The following ABCB4 variants were observed in gnomAD, a reference collection of about 807,000 sequenced individuals.
ABCB4 encodes the protein phosphatidylcholine translocator ABCB4.
A neutral mutation model predicts 145.7 loss-of-function variants in ABCB4; 76 were observed. The observed-to-expected ratio is 0.52, with a 90% CI of 0.43 to 0.63. ABCB4 has a LOEUF of 0.63. Among genes scored for constraint, ABCB4 ranks in the 30% least tolerant of loss-of-function variants. The pLI is 0.00. For synonymous variants in ABCB4, 517 were observed against 566.8 expected, an observed-to-expected ratio of 0.91 and a Z score of 1.25; for missense variants, 1,234 against 1,553.1, an observed-to-expected ratio of 0.79 and a Z score of 3.45.
chr7:87,442,868 C>T (rs1031650652), intron 12 of ABCB4, among the ~76,000 whole-genome samples: 1 of 152,144 alleles, frequency 6.6e-6, no homozygotes, highest in South Asian at 2.1e-4. Context: ...TCTTAAGAGA[C>T]CATCCCACTT....
the ABCB4 span, among the ~76,000 whole-genome samples, chr7:87,371,945 G>A: frequency 8.4e-5 from 12 of 142,116 alleles, no homozygotes; most frequent in Non-Finnish European, 1.5e-4. Flanking sequence ...AGTGAGCTGT[G>A]ATTACGCCAC....
chr7:87,367,674 C>T, the ABCB4 span, among the ~76,000 whole-genome samples: 5 of 152,182 alleles, frequency 3.3e-5, no homozygotes, highest in South Asian at 4.1e-4. Flanking sequence ...TGCTGAGTCC[C>T]GCTTCCTCTT....
At chr7:87,442,585 T>C (rs983093036) in intron 12 of ABCB4, among the ~76,000 whole-genome samples, 9 of 152,074 alleles carry the variant, frequency 5.9e-5, no homozygotes, top group Non-Finnish European at 8.8e-5. Flanking sequence ...TAAGAGAATG[T>C]CCTTTTTAGG....
chr7:87,422,855 T>C (rs540844392), intron 17 of ABCB4, among the ~76,000 whole-genome samples: 1 of 152,326 alleles, frequency 6.6e-6, no homozygotes, highest in Admixed American at 6.5e-5. Context: ...TGTTTGTCCA[T>C]TGCATGTCTT....
the ABCB4 span, chr7:87,382,151 C>A: frequency 6.2e-7 from 1 of 1,612,890 alleles, no homozygotes; most frequent in Non-Finnish European, 8.5e-7. Context: ...TAAATGACAT[C>A]AACCAAGCTA....
the ABCB4 span, among the ~76,000 whole-genome samples, chr7:87,381,403 A>G: frequency 2.0e-5 from 3 of 152,172 alleles, no homozygotes; most frequent in African/African-American, 7.2e-5. Context: ...GAATTATCAC[A>G]TTGGGACATT....
chr7:87,400,855 G>A (rs534423443), downstream of ABCB4, among the ~76,000 whole-genome samples: 13 of 152,264 alleles, frequency 8.5e-5, no homozygotes, highest in East Asian at 1.5e-3. Context: ...AATGAGTTGC[G>A]TATTTTGGAG....
At chr7:87,422,366 C>G (rs184618543) in intron 17 of ABCB4, 141 bp from the exon 18 acceptor site, 1 of 721,936 alleles carries the variant, frequency 1.4e-6, no homozygotes, top group South Asian at 1.6e-5. Flanking sequence ...GTAAAATATA[C>G]ATAACACAAA....
the ABCB4 span, chr7:87,375,658 G>A: frequency 6.2e-7 from 1 of 1,613,160 alleles, no homozygotes; most frequent in Non-Finnish European, 8.5e-7. Context: ...CACAAGAAGT[G>A]CCATAGTGAA....
the ABCB4 span, chr7:87,377,292 A>G: frequency 1.1e-4 from 117 of 1,079,228 alleles, 2 homozygotes; most frequent in East Asian, 3.0e-3. Flanking sequence ...TTAAGATGTA[A>G]ATTCTTACAA....
At chr7:87,426,679 A>G in intron 16 of ABCB4, 71 bp downstream of exon 16, 1 of 1,501,452 alleles carries the variant, frequency 6.7e-7, no homozygotes. Flanking sequence ...AATATTTGCA[A>G]GGCTAAGAAT....
chr7:87,386,812 T>A, the ABCB4 span, among the ~76,000 whole-genome samples: 1 of 152,076 alleles, frequency 6.6e-6, no homozygotes, highest in Admixed American at 6.6e-5. Flanking sequence ...ATCACTGAGT[T>A]TTGTTCATTG....
At chr7:87,393,881 A>C in the ABCB4 span, among the ~76,000 whole-genome samples, 7 of 152,296 alleles carry the variant, frequency 4.6e-5, no homozygotes, top group Non-Finnish European at 7.4e-5. Context: ...TAAATGAGAA[A>C]ATTTTTTGGA....
chr7:87,400,402 G>A (rs1228197940), downstream of ABCB4, among the ~76,000 whole-genome samples: 1 of 152,116 alleles, frequency 6.6e-6, no homozygotes, highest in African/African-American at 2.4e-5. Flanking sequence ...TGATAAGACT[G>A]GTTTATTGCT....
intron 5 of ABCB4, among the ~76,000 whole-genome samples, chr7:87,454,294 T>G (rs1811965819): frequency 1.3e-5 from 2 of 152,194 alleles, no homozygotes; most frequent in Admixed American, 1.3e-4. Context: ...GTACTGAAAT[T>G]TACTGAAGCT....
the ABCB4 span, among the ~76,000 whole-genome samples, chr7:87,374,096 G>A: frequency 4.6e-5 from 7 of 152,096 alleles, no homozygotes; most frequent in African/African-American, 1.4e-4. Context: ...GACTGTGTGG[G>A]TTATAGAATA....
At chr7:87,397,872 C>T (rs1488522964), downstream of ABCB4, among the ~76,000 whole-genome samples, 1 of 152,086 alleles carries the variant, frequency 6.6e-6, no homozygotes, top group Non-Finnish European at 1.5e-5. Context: ...AATTTTGAGC[C>T]TAATTCATAT....
At chr7:87,430,701 T>C (rs1343160641) in intron 15 of ABCB4, among the ~76,000 whole-genome samples, 1 of 152,108 alleles carries the variant, frequency 6.6e-6, no homozygotes, top group Non-Finnish European at 1.5e-5. Context: ...ATTTTTTGTA[T>C]TTTTAGTAGA....
At position 87,444,904 on chromosome 7, in the gene ABCB4, A is replaced by T; in HGVS notation, c.1077T>A (p.Asn359Lys). ...AGATCACATATGCTGCTCCTCTTGC[A>T]TTGGCAAAAGCATCAATACATGGGG... ...QAAPCIDAFA[N>K]ARGAAYVIFD... Residue 359 changes from asparagine (N) to lysine (K), a missense_variant, in exon 10 of 28, where the codon AAT becomes AAA. Physicochemically the swap from Asn to Lys is moderately conservative, Grantham distance 94. This residue lies in a region of ABCB4 where 467 missense variants were observed against 632.8 expected (regional missense o/e 0.74). Coordinates refer to ENST00000649586, the MANE Select transcript of ABCB4 (RefSeq NM_000443.4). 1.2e-6 allele frequency: 2 copies of T among 1,609,582 alleles called. No homozygotes were observed. The highest frequency in any genetic ancestry group is 1.7e-6 in the Non-Finnish European group (2 of 1,179,588).
Sources: allele counts gnomAD v4.1 joint callset (sites outside exome capture counted in the v4.1 genomes callset), GRCh38; gene constraint gnomAD v4.1.1; regional missense constraint gnomAD v4.1.1; transcripts MANE v1.5; gene names NCBI Gene and HGNC (gene_info 2026-07-23, HGNC 2026-07-21).